The following RPS6KA2 variants were observed in gnomAD, a reference collection of about 807,000 sequenced individuals.
The protein encoded by RPS6KA2 is ribosomal protein S6 kinase A2.
A neutral mutation model predicts 91.8 loss-of-function variants in RPS6KA2; 42 were observed. The ratio of observed to expected loss-of-function variants is 0.46; its 90% CI spans 0.36 to 0.59. RPS6KA2 has a LOEUF of 0.59. RPS6KA2 is among the 20% of genes least tolerant of loss of function. RPS6KA2 has a pLI of 0.00. For missense variants in RPS6KA2, 798 were observed against 978.5 expected, an observed-to-expected ratio of 0.82 and a Z score of 2.46; for synonymous variants, 414 against 393.6, an observed-to-expected ratio of 1.05 and a Z score of -0.61.
At chr6:166,499,274 C>A (rs10946173) in intron 7 of RPS6KA2, among the ~76,000 whole-genome samples, 10 of 152,182 alleles carry the variant, frequency 6.6e-5, no homozygotes, top group Admixed American at 3.9e-4. Flanking sequence ...CTCAGGGCCC[C>A]CAAGTCTTGG....
chr6:166,713,122 G>C (rs59893776), intron 2 of RPS6KA2, among the ~76,000 whole-genome samples: 1 of 152,126 alleles, frequency 6.6e-6, no homozygotes, highest in African/African-American at 2.4e-5. Flanking sequence ...GACCTCCTCT[G>C]CCAGGCCACC....
At chr6:166,585,022 C>T (rs889535189) in intron 1 of RPS6KA2, among the ~76,000 whole-genome samples, 3 of 152,204 alleles carry the variant, frequency 2.0e-5, no homozygotes, top group East Asian at 1.9e-4. Context: ...TGAGAAAACC[C>T]GAGAGCTTCT....
chr6:166,838,948 G>C (rs1780388109), intron 2 of RPS6KA2, among the ~76,000 whole-genome samples: 1 of 152,224 alleles, frequency 6.6e-6, no homozygotes, highest in Non-Finnish European at 1.5e-5. Context: ...GGTCGGGATG[G>C]ATGGGAGTGA....
chr6:166,492,072 G>T (rs577603716), intron 8 of RPS6KA2, among the ~76,000 whole-genome samples: 1 of 152,244 alleles, frequency 6.6e-6, no homozygotes, highest in South Asian at 2.1e-4. Context: ...ATGATAGGCT[G>T]CTAGGAGTGA....
chr6:166,421,968 C>T (rs1180009294), intron 17 of RPS6KA2, among the ~76,000 whole-genome samples: 1 of 152,074 alleles, frequency 6.6e-6, no homozygotes, highest in African/African-American at 2.4e-5. Context: ...GGCGTGATCT[C>T]GGCTCACTGC....
chr6:166,439,889 AGCCTGACACAGCTGCTG>A (rs1484551812), intron 14 of RPS6KA2: 7 of 152,312 alleles, frequency 4.6e-5, no homozygotes, highest in Non-Finnish European at 7.3e-5. Context: ...GCTTCCTGCA[AGCCTGACACAGCTGCTG>A]GCCTCCCGAG....
chr6:166,752,623 G>A (rs1267770682), intron 2 of RPS6KA2, among the ~76,000 whole-genome samples: 1 of 152,162 alleles, frequency 6.6e-6, no homozygotes, highest in Admixed American at 6.5e-5. Flanking sequence ...TGGTGTTAGA[G>A]ATCATTTACT....
At chr6:166,643,288 T>TA (rs1478899487) in intron 2 of RPS6KA2, among the ~76,000 whole-genome samples, 1 of 152,184 alleles carries the variant, frequency 6.6e-6, no homozygotes, top group Non-Finnish European at 1.5e-5. Flanking sequence ...ACTCTCTAGT[T>TA]AAAAGACAAA....
chr6:166,769,142 C>T (rs1032147355), intron 2 of RPS6KA2, among the ~76,000 whole-genome samples: 7 of 152,194 alleles, frequency 4.6e-5, no homozygotes, highest in Non-Finnish European at 8.8e-5. Flanking sequence ...ATGGCTGTGC[C>T]ATTGGCCCAA....
intron 12 of RPS6KA2, among the ~76,000 whole-genome samples, chr6:166,453,220 CACACACACACAA>C (rs939163318): frequency 2.0e-5 from 3 of 146,732 alleles, no homozygotes; most frequent in Admixed American, 1.4e-4. Flanking sequence ...CACACACACA[CACACACACACAA>C]AAAGGCTTTA....
chr6:166,543,958 T>G lies in RPS6KA2; in HGVS notation c.100-5174A>C, dbSNP rs377688377. ...TTTATGCAGGAAGTGGGGCAAGAGG[T>G]CTGCCTGGGGCCAGCCCTGGGATTT... On this transcript the variant is annotated intron_variant, in intron 1 of 20. Coordinates refer to ENST00000265678, the MANE Select transcript of RPS6KA2 (RefSeq NM_021135.6). Among the ~76,000 whole-genome samples, 25 of 152,310 alleles carry G rather than the reference T, an allele frequency of 1.6e-4. 1 individual carries two copies. The East Asian group carries it at 4.4e-3, about 27-fold the overall frequency.
intron 2 of RPS6KA2, among the ~76,000 whole-genome samples, chr6:166,735,445 T>C (rs1232580386): frequency 6.6e-6 from 1 of 152,190 alleles, no homozygotes; most frequent in Non-Finnish European, 1.5e-5. Flanking sequence ...TTCAGGATGA[T>C]TCAAGCACAT....
chr6:166,418,245 A>G lies in RPS6KA2; in HGVS notation c.1918T>C (p.Ser640Pro). 1.9e-6 allele frequency: 3 copies of G among 1,611,282 alleles called. No individual in the cohort carries two copies. Among genetic ancestry groups the G allele is most frequent in the African/African-American group, 2.7e-5 (2 of 74,960 alleles). Residue 640 changes from serine to proline, a missense_variant, in exon 19 of 21, where the codon TCG becomes CCG. Transcript: ENST00000265678. The surrounding 1 kb of genome is among the most constrained non-coding windows in gnomAD (Gnocchi z 4.9). ...KYALSGGNWDSISDAAKDVVS... is the reference protein window; with the variant it reads ...KYALSGGNWDPISDAAKDVVS... ...CTCACTTTAGCTGCGTCAGATATCG[A>G]GTCCCAGTTTCCCCCAGAAAGGGCA...
At chr6:166,544,024 G>C (rs1250816686) in intron 1 of RPS6KA2, among the ~76,000 whole-genome samples, 2 of 152,250 alleles carry the variant, frequency 1.3e-5, no homozygotes, top group African/African-American at 4.8e-5. Flanking sequence ...AAACAGCCAA[G>C]CTCAAATTCA....
chr6:166,725,328 A>G (rs367611602), intron 2 of RPS6KA2, among the ~76,000 whole-genome samples: 1 of 152,224 alleles, frequency 6.6e-6, no homozygotes, highest in East Asian at 1.9e-4. Flanking sequence ...ATTATGTCAC[A>G]TGGTGTTTTT....
At chr6:166,451,260 A>T in intron 12 of RPS6KA2, 27 bp from the exon 13 acceptor site, 1 of 1,612,362 alleles carries the variant, frequency 6.2e-7, no homozygotes, top group Non-Finnish European at 8.5e-7. Context: ...CAGAGTTCAG[A>T]TGCCACGAAA....
chr6:166,627,127 G>A lies in RPS6KA2; in HGVS notation c.-108C>T. 8.6e-7 allele frequency: 1 copy of A among 1,158,996 alleles called. No homozygotes were observed. The highest frequency in any genetic ancestry group is 1.1e-6 in the Non-Finnish European group (1 of 940,526). The allele number at this position is 1,158,996 out of a possible 1,614,324, so 71.8% of individuals were successfully genotyped here. On this transcript the variant is annotated 5_prime_UTR_variant, in exon 1 of 21. Transcript: ENST00000265678. ...GCGGGCACGCGTGGCCAGGGAGCCC[G>A]GCACGGCGGCCATGGGCGCGGGGCG...
At chr6:166,538,185 A>G (rs950012157) in intron 2 of RPS6KA2, among the ~76,000 whole-genome samples, 3 of 152,226 alleles carry the variant, frequency 2.0e-5, no homozygotes, top group Non-Finnish European at 4.4e-5. Flanking sequence ...CTGAGGCTTC[A>G]TGAGGCAATC....
At chr6:166,526,910 G>A (rs1783067781) in intron 3 of RPS6KA2, among the ~76,000 whole-genome samples, 1 of 152,186 alleles carries the variant, frequency 6.6e-6, no homozygotes, top group Admixed American at 6.5e-5. Flanking sequence ...TACTGCTCAA[G>A]TCACTCTTAA....
Sources: gnomAD v4.1 joint callset for allele counts (sites outside exome capture counted in the v4.1 genomes callset) on GRCh38, gnomAD v4.1.1 for gene constraint, Gnocchi (gnomAD v3.1) non-coding constraint, MANE v1.5 for transcripts, NCBI Gene and HGNC (gene_info 2026-07-23, HGNC 2026-07-21) for gene names.